The following MYO3B variants were observed in gnomAD, a reference collection of about 807,000 sequenced individuals.
The protein encoded by MYO3B is myosin-IIIb.
Under a neutral mutation model 174.6 loss-of-function variants are expected in MYO3B, and 156 were observed. The ratio of observed to expected loss-of-function variants is 0.89; its 90% confidence interval spans 0.78 to 1.02. The LOEUF is 1.02. MYO3B is among the 50% of genes least tolerant of loss of function. The pLI is 0.00. For synonymous variants in MYO3B, 563 were observed against 569.1 expected, an observed-to-expected ratio of 0.99 and a Z score of 0.15; for missense variants, 1,632 against 1,639.4, an observed-to-expected ratio of 1.00 and a Z score of 0.08.
intron 32 of MYO3B, among the ~76,000 whole-genome samples, chr2:170,625,213 G>A (rs1373627747): frequency 6.6e-6 from 1 of 152,152 alleles, no homozygotes; most frequent in Non-Finnish European, 1.5e-5. Context: ...TTTTTGGTTG[G>A]TAAGCAGTTA....
rs1253076260 is a variant in MYO3B, at chr2:170,442,864, G to A, written c.2651-1103G>A. On this transcript the variant is annotated intron_variant, in intron 22 of 34. Coordinates refer to ENST00000408978, the MANE Select transcript of MYO3B (RefSeq NM_138995.5). ...TTTTTATGGCTGCATAGTATTCCAC[G>A]GTGTATATGTGCCACATTTTCTTAA... is the stretch of plus-strand genomic sequence containing the variant. 6.6e-5 allele frequency among the ~76,000 whole-genome samples: 10 copies of A among 152,098 alleles called. No individual in the cohort carries two copies. In the South Asian group the frequency reaches 8.3e-4, roughly 13 times the overall value.
chr2:170,325,251 A>G (rs1349620373), intron 7 of MYO3B, among the ~76,000 whole-genome samples: 2 of 151,996 alleles, frequency 1.3e-5, no homozygotes, highest in Non-Finnish European at 2.9e-5. Flanking sequence ...TTTGTTGCCC[A>G]GGCTGGAGTG....
At position 170,285,413 on chromosome 2, in the gene MYO3B, G is replaced by C. The variant is rs183505192; in HGVS notation, c.749+49277G>C. Among the ~76,000 whole-genome samples, 267 of 151,996 alleles carry C rather than the reference G, an allele frequency of 1.8e-3. 2 individuals carry two copies. Among genetic ancestry groups the C allele is most frequent in the African/African-American group, 5.5e-3 (230 of 41,444 alleles). On this transcript the variant is annotated intron_variant, in intron 7 of 34. Coordinates refer to ENST00000408978, the MANE Select transcript of MYO3B (RefSeq NM_138995.5). ...AGACAGAGTCTTGCTCTGTTGCCCA[G>C]GCTGGAGTGCAGTGGCACAATCTCG...
intron 7 of MYO3B, among the ~76,000 whole-genome samples, chr2:170,278,422 T>C (rs1574704201): frequency 6.6e-6 from 1 of 152,296 alleles, no homozygotes; most frequent in Admixed American, 6.5e-5. Context: ...AGCTATTAAA[T>C]ATAATTCCAA....
At chr2:170,301,365 C>T (rs2093663915) in intron 7 of MYO3B, among the ~76,000 whole-genome samples, 1 of 152,152 alleles carries the variant, frequency 6.6e-6, no homozygotes. Flanking sequence ...TTACTTTATA[C>T]ATCAAATGAT....
Position 170,271,501 on chromosome 2 carries a change from C to G in MYO3B, c.749+35365C>G, listed in dbSNP as rs111535101. On this transcript the variant is annotated intron_variant, in intron 7 of 34. Coordinates refer to ENST00000408978, the MANE Select transcript of MYO3B (RefSeq NM_138995.5). ...TGTCTCAATTATGAAGGGAGGTGGC[C>G]TACCAAAGTTGATACTTTGATATTT... Among the ~76,000 whole-genome samples the G allele has an allele frequency of 2.8e-3, 422 of 152,260 alleles. 2 individuals are homozygous for G. The highest frequency in any genetic ancestry group is 9.9e-3 in the African/African-American group (411 of 41,534).
At chr2:170,646,186 G>A (rs185825156) in intron 32 of MYO3B, among the ~76,000 whole-genome samples, 3 of 151,398 alleles carry the variant, frequency 2.0e-5, no homozygotes, top group Non-Finnish European at 4.4e-5. Flanking sequence ...AAGGAGAATC[G>A]CTTGAACCTG....
chr2:170,620,679 C>CG (rs900617974), intron 32 of MYO3B, among the ~76,000 whole-genome samples: 2 of 152,142 alleles, frequency 1.3e-5, no homozygotes, highest in Non-Finnish European at 2.9e-5. Context: ...GAAAATGGCC[C>CG]GGGTAGATCT....
rs189142314 is a variant in MYO3B, at chr2:170,427,623, G to A, written c.2651-16344G>A. ...TGGGCACATGCAAGTTTGGTTTCCT[G>A]TGGAATACTACCTATTTCAGTATGC... is the stretch of plus-strand genomic sequence containing the variant. On this transcript the variant is annotated intron_variant, in intron 22 of 34. Transcript: ENST00000408978. Among the ~76,000 whole-genome samples the A allele has an allele frequency of 9.2e-5, 14 of 152,280 alleles. No homozygotes were observed. In the East Asian group the frequency reaches 1.2e-3, roughly 13 times the overall value.
chr2:170,449,060 TTA>T, intron 23 of MYO3B, among the ~76,000 whole-genome samples: 1 of 152,302 alleles, frequency 6.6e-6, no homozygotes, highest in South Asian at 2.1e-4. Context: ...GCAAACACCT[TTA>T]TGAGTTGAGT....
intron 1 of MYO3B, among the ~76,000 whole-genome samples, chr2:170,185,850 A>G (rs2092455918): frequency 8.0e-6 from 1 of 125,256 alleles, no homozygotes; most frequent in Admixed American, 8.7e-5. Context: ...TTCGTTGTAG[A>G]GATCTTTCAT....
intron 30 of MYO3B, among the ~76,000 whole-genome samples, chr2:170,521,503 G>C (rs1209891021): frequency 2.0e-5 from 3 of 152,126 alleles, no homozygotes; most frequent in Admixed American, 2.0e-4. Flanking sequence ...CACCAGGACA[G>C]TGCTCTGAGC....
At chr2:170,423,649 C>G (rs1168928391) in intron 22 of MYO3B, among the ~76,000 whole-genome samples, 1 of 145,478 alleles carries the variant, frequency 6.9e-6, no homozygotes, top group East Asian at 2.1e-4. Context: ...GGTGCGATCT[C>G]AGCTCACTGC....
intron 7 of MYO3B, among the ~76,000 whole-genome samples, chr2:170,276,664 G>A (rs1327681478): frequency 6.6e-6 from 1 of 152,132 alleles, no homozygotes; most frequent in African/African-American, 2.4e-5. Flanking sequence ...GGAATATTTT[G>A]TATTTGGTCC....
At chr2:170,227,312 T>C (rs1365599558) in intron 6 of MYO3B, among the ~76,000 whole-genome samples, 1 of 152,084 alleles carries the variant, frequency 6.6e-6, no homozygotes, top group Non-Finnish European at 1.5e-5. Context: ...GGGTACAGGG[T>C]CTTGCTCTGT....
chr2:170,201,436 C>T (rs2092660281), intron 3 of MYO3B, among the ~76,000 whole-genome samples: 1 of 152,162 alleles, frequency 6.6e-6, no homozygotes, highest in South Asian at 2.1e-4. Flanking sequence ...ACTTCACTGT[C>T]TGGTACCTCT....
intron 23 of MYO3B, among the ~76,000 whole-genome samples, chr2:170,461,546 C>A (rs1181092246): frequency 6.6e-6 from 1 of 150,714 alleles, no homozygotes; most frequent in Non-Finnish European, 1.5e-5. Flanking sequence ...GAGGCCGAGG[C>A]AGGCAGATCA....
intron 15 of MYO3B, 115 bp downstream of exon 15, chr2:170,391,733 A>G (rs369679456): frequency 4.6e-6 from 3 of 655,370 alleles, no homozygotes; most frequent in South Asian, 2.0e-5. Flanking sequence ...CTATTTAACT[A>G]AAGTGCCCAG....
At chr2:170,321,981 G>T (rs1362176024) in intron 7 of MYO3B, among the ~76,000 whole-genome samples, 1 of 152,024 alleles carries the variant, frequency 6.6e-6, no homozygotes, top group Non-Finnish European at 1.5e-5. Flanking sequence ...GGGCGTGGTG[G>T]CACGTGCCTG....
Sources: allele counts gnomAD v4.1 joint callset (sites outside exome capture counted in the v4.1 genomes callset), GRCh38; gene constraint gnomAD v4.1.1; transcripts MANE v1.5; gene names NCBI Gene and HGNC (gene_info 2026-07-23, HGNC 2026-07-21).